The following RBMX2 variants were observed in gnomAD, a reference collection of about 807,000 sequenced individuals.
RBMX2 encodes the protein RNA binding motif protein X-linked 2.
For missense variants in RBMX2, 191 were observed against 256.0 expected (o/e 0.75, Z 1.73); for synonymous variants, 77 against 94.3 (o/e 0.82, Z 1.07).
intron 5 of RBMX2, among the ~76,000 whole-genome samples, chrX:130,411,843 C>G (rs1274319619): frequency 9.0e-6 from 1 of 111,432 alleles, no homozygotes; most frequent in Non-Finnish European, 1.9e-5. Context: ...TGACAGACAT[C>G]CAAGTTGGCT....
chrX:130,407,713 A>G (rs749524554), intron 3 of RBMX2, among the ~76,000 whole-genome samples: 1 of 105,722 alleles, frequency 9.5e-6, no homozygotes, highest in Non-Finnish European at 1.9e-5. Context: ...TTTGGAGTGC[A>G]GTGGCATGAT....
At position 130,409,434 on chromosome X, in the gene RBMX2, A is replaced by G. The variant is rs753392913; in HGVS notation, c.303+48A>G. The G allele has an allele frequency of 7.8e-6, 9 of 1,148,695 alleles. No homozygotes were observed. The South Asian group carries it at 1.9e-4, about 24-fold the overall frequency. The allele number at this position is 1,148,695 out of a possible 1,213,427, so 94.7% of individuals were successfully genotyped here. A position where few individuals can be genotyped will look rare whatever the true frequency, so the allele number is the denominator to read the frequency against. On this transcript the variant is annotated intron_variant, in intron 4 of 5. Coordinates refer to ENST00000305536, the MANE Select transcript of RBMX2 (RefSeq NM_016024.4). ...TTGGTTGGACTTTTTTCCCATGTATAGGGGTTTCGTTTTCTACCTGGTTCC... is the reference window on the plus strand; with the variant it reads ...TTGGTTGGACTTTTTTCCCATGTATGGGGGTTTCGTTTTCTACCTGGTTCC...
chrX:130,402,484 C>G, intron 2 of RBMX2, 114 bp downstream of exon 2: 1 of 1,078,313 alleles, frequency 9.3e-7, no homozygotes, highest in Non-Finnish European at 1.2e-6. Context: ...ACCTTCATAT[C>G]CATCTGCTGT....
At position 130,402,165 on chromosome X, in the gene RBMX2, C is replaced by T; in HGVS notation, c.6-90C>T. On this transcript the variant is annotated intron_variant, in intron 1 of 5. Transcript: ENST00000305536. ...GCGCGGGGACTGGAACAGCTCGTCCCCTAGTTTTGCTCTTCCTCAGCTCCG... is the reference window on the plus strand; with the variant it reads ...GCGCGGGGACTGGAACAGCTCGTCCTCTAGTTTTGCTCTTCCTCAGCTCCG... 3.4e-6 allele frequency: 4 copies of T among 1,163,463 alleles called. No individual in the cohort carries two copies. The South Asian group carries it at 7.7e-5, about 22-fold the overall frequency.
chrX:130,409,503 G>T, intron 4 of RBMX2, 117 bp downstream of exon 4: 1 of 781,763 alleles, frequency 1.3e-6, no homozygotes, highest in East Asian at 3.3e-5. Flanking sequence ...GTGTTGCGGG[G>T]GCTGCAGAGA....
chrX:130,409,533 A>G (rs2034502078), intron 4 of RBMX2, 147 bp downstream of exon 4: 1 of 579,803 alleles, frequency 1.7e-6, no homozygotes, highest in Non-Finnish European at 2.6e-6. Context: ...ACTGGTCAAG[A>G]AGAGATTCCA....
rs374907779 is a variant in RBMX2, at chrX:130,402,466, C to T, written c.121+96C>T. ...TTCACCCTTCACTCCTGCTTACATT[C>T]ATCGCCCACCTTCATATCCATCTGC... On this transcript the variant is annotated intron_variant, in intron 2 of 5. Coordinates refer to ENST00000305536, the MANE Select transcript of RBMX2 (RefSeq NM_016024.4). 1.2e-5 allele frequency: 13 copies of T among 1,107,799 alleles called. No homozygotes were observed. The East Asian group carries it at 2.3e-4, about 20-fold the overall frequency. The allele number at this position is 1,107,799 out of a possible 1,213,427, so 91.3% of individuals were successfully genotyped here.
At chrX:130,409,478 A>C in intron 4 of RBMX2, 92 bp downstream of exon 4, 1 of 948,598 alleles carries the variant, frequency 1.1e-6, no homozygotes, top group Non-Finnish European at 1.4e-6. Context: ...CAAGGGCAGC[A>C]CTTGTGAGCT....
chrX:130,412,053 G>C (rs2034515074), intron 5 of RBMX2, among the ~76,000 whole-genome samples: 1 of 109,954 alleles, frequency 9.1e-6, no homozygotes, highest in African/African-American at 3.3e-5. Context: ...CTTCTGAGTA[G>C]CTGGGACTAG....
At chrX:130,402,123 G>A in intron 1 of RBMX2, 86 bp downstream of exon 1, 3 of 1,168,490 alleles carry the variant, frequency 2.6e-6, no homozygotes, top group Non-Finnish European at 3.4e-6. Context: ...CGTCTGCGGG[G>A]CCGAGGGGCG....
chrX:130,411,266 G>C, intron 4 of RBMX2, 82 bp from the exon 5 acceptor site: 2 of 935,811 alleles, frequency 2.1e-6, no homozygotes, highest in Non-Finnish European at 2.9e-6. Context: ...TTCAAATCAT[G>C]GTTCTCTGTA....
rs1483269804 is a variant in RBMX2 at position 130,406,043 on chromosome X, G to T, written c.173+2190G>T. On this transcript the variant is annotated intron_variant, in intron 3 of 5. Transcript: ENST00000305536. ...CTAATTTTTTTGTATTTTTAGTAGA[G>T]ACGGGGTTTCACCGTTTTAGCCGGG... Among the ~76,000 whole-genome samples, 11 of 69,662 alleles carry T rather than the reference G, an allele frequency of 1.6e-4. 1 individual carries two copies. The highest frequency in any genetic ancestry group is 2.4e-4 in the African/African-American group (2 of 8,445). The allele number at this position is 69,662 out of a possible 115,157, so 60.5% of individuals were successfully genotyped here.
chrX:130,411,226 C>A, intron 4 of RBMX2, 122 bp from the exon 5 acceptor site: 1 of 698,009 alleles, frequency 1.4e-6, no homozygotes, highest in Admixed American at 3.4e-5. Context: ...GCTTTAGTGA[C>A]AGAATTTAAC....
intron 1 of RBMX2, 29 bp from the exon 2 acceptor site, chrX:130,402,226 C>CCCG: frequency 1.2e-6 from 1 of 835,642 alleles, no homozygotes; most frequent in African/African-American, 2.1e-5. Context: ...TTTCTGCCTA[C>CCCG]CCTCCCCACC....
intron 3 of RBMX2, among the ~76,000 whole-genome samples, chrX:130,408,560 A>G (rs1030675898): frequency 9.0e-6 from 1 of 111,063 alleles, no homozygotes; most frequent in Non-Finnish European, 1.9e-5. Flanking sequence ...AGTTCTAGTT[A>G]GGTAACTTTT....
rs753206063 is a variant in RBMX2, at chrX:130,401,997, C to T, written c.-36C>T. 5.2e-5 allele frequency: 62 copies of T among 1,182,116 alleles called. No homozygotes were observed. The highest frequency in any genetic ancestry group is 6.6e-5 in the Non-Finnish European group (58 of 879,003). On this transcript the variant is annotated 5_prime_UTR_variant, in exon 1 of 6. Coordinates refer to ENST00000305536, the MANE Select transcript of RBMX2 (RefSeq NM_016024.4). ...CATGCGCTGCGCTGCCTTTCCCGGG[C>T]GCTGATTCCTGAGTGCTGAGCGCGA...
chrX:130,411,451 G>A lies in RBMX2; in HGVS notation c.407G>A (p.Cys136Tyr). The A allele has an allele frequency of 8.3e-7, 1 of 1,209,333 alleles. No individual in the cohort carries two copies. The highest frequency in any genetic ancestry group is 1.1e-6 in the Non-Finnish European group (1 of 894,592). Residue 136 changes from cysteine to tyrosine, a missense_variant, in exon 5 of 6, where the codon TGT becomes TAT. By Grantham distance (194) the Cys-to-Tyr change is radical. Transcript: ENST00000305536. ...DVTRQLQEKG[C>Y]GARTPSPSLS... ...ACCAGACAACTCCAGGAGAAGGGCT[G>A]TGGGGCTCGTACCCCCTCACCAAGT... is the stretch of plus-strand genomic sequence containing the variant.
intron 1 of RBMX2, 26 bp from the exon 2 acceptor site, chrX:130,402,229 T>TAACCCCCC: frequency 1.4e-6 from 1 of 723,013 alleles, no homozygotes; most frequent in Non-Finnish European, 1.9e-6. Context: ...CTGCCTACCC[T>TAACCCCCC]CCCCACCCCC....
chrX:130,402,120 G>C (rs1000235346), intron 1 of RBMX2, 83 bp downstream of exon 1: 2 of 1,165,706 alleles, frequency 1.7e-6, no homozygotes, highest in Admixed American at 5.1e-5. Context: ...GAGCGTCTGC[G>C]GGGCCGAGGG....
Sources: gnomAD v4.1 joint callset for allele counts (sites outside exome capture counted in the v4.1 genomes callset) on GRCh38, gnomAD v4.1.1 for gene constraint, MANE v1.5 for transcripts, NCBI Gene and HGNC (gene_info 2026-07-23, HGNC 2026-07-21) for gene names.